The following DGKB variants were observed in gnomAD, a reference collection of about 807,000 sequenced individuals.
DGKB encodes 90 kDa diacylglycerol kinase.
A neutral mutation model predicts 114.3 loss-of-function variants in DGKB; 67 were observed. The ratio of observed to expected loss-of-function variants is 0.59; its 90% CI spans 0.48 to 0.72. The LOEUF is 0.72. Ranked by LOEUF, DGKB falls within the 30% of genes least tolerant of loss-of-function variation. The pLI is 0.00. For missense variants in DGKB, 907 were observed against 975.2 expected, an observed-to-expected ratio of 0.93 and a Z score of 0.93; for synonymous variants, 398 against 323.1, an observed-to-expected ratio of 1.23 and a Z score of -2.49.
chr7:14,252,749 G>C (rs1172425513), intron 23 of DGKB, among the ~76,000 whole-genome samples: 6 of 152,170 alleles, frequency 3.9e-5, no homozygotes, highest in Admixed American at 3.9e-4. Context: ...TGGGTACACA[G>C]GAGCAAGTCT....
intron 6 of DGKB, among the ~76,000 whole-genome samples, chr7:14,714,629 A>G (rs894641967): frequency 9.2e-5 from 14 of 152,178 alleles, no homozygotes; most frequent in African/African-American, 3.4e-4. Flanking sequence ...TGGAAAAAAA[A>G]ACATTATCTG....
chr7:14,769,217 A>G (rs1836993698), intron 2 of DGKB, among the ~76,000 whole-genome samples: 2 of 129,352 alleles, frequency 1.5e-5, no homozygotes, highest in African/African-American at 6.3e-5. Context: ...GGAAAGAAAG[A>G]GAAAGAGAGA....
chr7:14,939,082 T>C lies in DGKB; in HGVS notation c.-188+35614A>G, dbSNP rs186506815. Among the ~76,000 whole-genome samples, 22 of 152,244 alleles carry C rather than the reference T, an allele frequency of 1.4e-4. 2 individuals are homozygous for C. The East Asian group carries it at 2.9e-3, about 20-fold the overall frequency. On this transcript the variant is annotated intron_variant, in intron 1 of 4. Coordinates refer to the DGKB transcript ENST00000437998. Reference sequence around the variant, plus strand: ...CTATTTTTTTTCTCTTCTTAAACTGTTTTTTCTATTTCTCTTTATCTTTAA... The same window carrying C: ...CTATTTTTTTTCTCTTCTTAAACTGCTTTTTCTATTTCTCTTTATCTTTAA...
chr7:14,770,927 C>T (rs1837313540), intron 2 of DGKB, among the ~76,000 whole-genome samples: 2 of 151,970 alleles, frequency 1.3e-5, no homozygotes, highest in South Asian at 2.1e-4. Flanking sequence ...CTAGACCATT[C>T]CTGGGCCTTG....
At chr7:14,899,295 C>T (rs1255500290) in intron 1 of DGKB, among the ~76,000 whole-genome samples, 1 of 152,056 alleles carries the variant, frequency 6.6e-6, no homozygotes, top group Non-Finnish European at 1.5e-5. Flanking sequence ...CTTTCTCCGC[C>T]ACTTGTCTTT....
intron 13 of DGKB, among the ~76,000 whole-genome samples, chr7:14,651,210 A>T (rs1814408776): frequency 6.6e-6 from 1 of 152,134 alleles, no homozygotes; most frequent in South Asian, 2.1e-4. Context: ...AGAATTTTAG[A>T]CCAATATCCT....
intron 20 of DGKB, among the ~76,000 whole-genome samples, chr7:14,525,341 G>A (rs1378500939): frequency 6.6e-6 from 1 of 152,158 alleles, no homozygotes; most frequent in African/African-American, 2.4e-5. Context: ...GAAGCTGAAA[G>A]ATGCATATGT....
chr7:14,670,300 T>TATATAC (rs1554587046), intron 13 of DGKB, among the ~76,000 whole-genome samples: 1 of 145,808 alleles, frequency 6.9e-6, no homozygotes, highest in African/African-American at 2.7e-5. Context: ...TATATATATA[T>TATATAC]ACACACACAC....
At chr7:14,589,945 G>A (rs1353690904) in intron 17 of DGKB, among the ~76,000 whole-genome samples, 4 of 149,420 alleles carry the variant, frequency 2.7e-5, no homozygotes, top group East Asian at 4.1e-4. Context: ...ATTTTTTGTG[G>A]AAGAATTTGT....
At chr7:14,325,128 T>C (rs2128545636) in intron 23 of DGKB, among the ~76,000 whole-genome samples, 1 of 152,276 alleles carries the variant, frequency 6.6e-6, no homozygotes, top group Admixed American at 6.5e-5. Context: ...AGCCTGTACT[T>C]TCCCTTACAG....
intron 23 of DGKB, among the ~76,000 whole-genome samples, chr7:14,313,079 T>C (rs1329781274): frequency 6.6e-6 from 1 of 152,252 alleles, no homozygotes; most frequent in East Asian, 1.9e-4. Flanking sequence ...TGATTGATGT[T>C]TCTATATTTC....
At chr7:14,414,778 C>G (rs899570428) in intron 21 of DGKB, among the ~76,000 whole-genome samples, 3 of 152,032 alleles carry the variant, frequency 2.0e-5, no homozygotes, top group Non-Finnish European at 4.4e-5. Flanking sequence ...TAGGTTGACA[C>G]GGGTGTGAAA....
intron 21 of DGKB, among the ~76,000 whole-genome samples, chr7:14,409,819 T>C (rs1824563869): frequency 6.6e-6 from 1 of 152,146 alleles, no homozygotes; most frequent in South Asian, 2.1e-4. Flanking sequence ...ACGATTCATC[T>C]TATAAACAGA....
intron 3 of DGKB, among the ~76,000 whole-genome samples, chr7:14,754,155 C>T (rs1362057068): frequency 6.6e-6 from 1 of 152,044 alleles, no homozygotes; most frequent in Non-Finnish European, 1.5e-5. Flanking sequence ...TTCTTGACCC[C>T]CACCTCAGAA....
intron 1 of DGKB, among the ~76,000 whole-genome samples, chr7:14,845,106 C>CAAAAAAAAAAAAAA (rs59367496): frequency 1.1e-5 from 1 of 89,262 alleles, no homozygotes; most frequent in Admixed American, 1.2e-4. Flanking sequence ...GGCCCTGTGT[C>CAAAAAAAAAAAAAA]AAAAAAAAAA....
At chr7:14,725,914 G>C (rs1829956450) in intron 5 of DGKB, among the ~76,000 whole-genome samples, 1 of 152,054 alleles carries the variant, frequency 6.6e-6, no homozygotes, top group South Asian at 2.1e-4. Flanking sequence ...TTTATTTAAT[G>C]AATAATGGTA....
intron 2 of DGKB, among the ~76,000 whole-genome samples, chr7:14,839,417 T>C (rs1847608243): frequency 6.6e-6 from 1 of 150,376 alleles, no homozygotes; most frequent in African/African-American, 2.4e-5. Flanking sequence ...CTTTTTTTTT[T>C]TTTTTTTTTG....
intron 21 of DGKB, among the ~76,000 whole-genome samples, chr7:14,350,714 C>A (rs1407137324): frequency 6.6e-6 from 1 of 151,294 alleles, no homozygotes; most frequent in Non-Finnish European, 1.5e-5. Flanking sequence ...CTACTAGATA[C>A]TGAACCCATT....
rs372326741 is a variant in DGKB at position 14,304,631 on chromosome 7, C to T, written c.2122+33884G>A. ...ATTTCCCCTGGTAGGTAAGCATTGC[C>T]GATTTAGTGTCCAGTAGCATGTTTA... On this transcript the variant is annotated intron_variant, in intron 23 of 25. Transcript: ENST00000402815. 7.9e-5 allele frequency among the ~76,000 whole-genome samples: 12 copies of T among 152,150 alleles called. No homozygotes were observed. In the South Asian group the frequency reaches 1.0e-3, roughly 13 times the overall value.
Sources: allele counts gnomAD v4.1 joint callset (sites outside exome capture counted in the v4.1 genomes callset), GRCh38; gene constraint gnomAD v4.1.1; transcripts MANE v1.5; gene names NCBI Gene and HGNC (gene_info 2026-07-23, HGNC 2026-07-21).